Variants in SPTBN1 observed in about 807,000 individuals in gnomAD.
SPTBN1 encodes spectrin beta, non-erythrocytic 1.
SPTBN1 carries 32 observed loss-of-function variants against 266.4 expected under a neutral mutation model. The ratio of observed to expected loss-of-function variants is 0.12; its 90% confidence interval spans 0.09 to 0.16. SPTBN1 has a LOEUF of 0.16. SPTBN1 is among the 10% of genes least tolerant of loss of function. The pLI, the probability that SPTBN1 is intolerant of heterozygous loss-of-function variation, is 1.00. For synonymous variants in SPTBN1, 1,336 were observed against 1,162.2 expected, an observed-to-expected ratio of 1.15 and a Z score of -3.04; for missense variants, 2,296 against 3,067.1, an observed-to-expected ratio of 0.75 and a Z score of 5.94.
At chr2:54,557,251 G>C (rs1299550670) in intron 2 of SPTBN1, among the ~76,000 whole-genome samples, 1 of 152,150 alleles carries the variant, frequency 6.6e-6, no homozygotes, top group African/African-American at 2.4e-5. Context: ...AGGTGAACCT[G>C]GGGTGGGGGA....
Position 54,653,353 on chromosome 2 carries a change from T to A in SPTBN1, c.5578-256T>A, listed in dbSNP as rs1680428286. The A allele has an allele frequency of 2.2e-6, 1 of 463,992 alleles. No homozygotes were observed. Among genetic ancestry groups the A allele is most frequent in the Non-Finnish European group, 3.6e-6 (1 of 276,686 alleles). The allele number at this position is 463,992 out of a possible 1,614,324, so 28.7% of individuals were successfully genotyped here. A position where few individuals can be genotyped will look rare whatever the true frequency, so the allele number is the denominator to read the frequency against. ...CAGGGGACTTTCCCTGACTAAACTC[T>A]CCTGCCTGTCTTCCTGTAGCATTTC... On this transcript the variant is annotated intron_variant, in intron 26 of 35. Transcript: ENST00000356805. This position sits in a 1 kb window ranked among gnomAD's most constrained non-coding sequence, Gnocchi z 5.1.
At chr2:54,536,577 G>C (rs534712856) in intron 2 of SPTBN1, among the ~76,000 whole-genome samples, 1 of 152,294 alleles carries the variant, frequency 6.6e-6, no homozygotes, top group South Asian at 2.1e-4. Context: ...GAGGGGTCCA[G>C]GTGACAGCAG....
intron 35 of SPTBN1, 112 bp from the exon 36 acceptor site, chr2:54,668,239 G>A (rs1681504413): frequency 7.3e-6 from 7 of 963,472 alleles, no homozygotes; most frequent in Admixed American, 6.2e-5. Context: ...GTGCCCAGAA[G>A]TGACTCTGCT....
At chr2:54,535,351 AT>A (rs1188938104) in intron 2 of SPTBN1, among the ~76,000 whole-genome samples, 1 of 152,178 alleles carries the variant, frequency 6.6e-6, no homozygotes, top group East Asian at 1.9e-4. Context: ...ATTCCAGAGC[AT>A]TTTTATTACT....
rs563182093 is a variant in SPTBN1 at position 54,485,875 on chromosome 2, C to T, written c.-48+29357C>T. Among the ~76,000 whole-genome samples, 577 of 150,928 alleles carry T rather than the reference C, an allele frequency of 3.8e-3. 4 individuals are homozygous for T. Among genetic ancestry groups the T allele is most frequent in the African/African-American group, 0.013 (544 of 41,014 alleles). On this transcript the variant is annotated intron_variant, in intron 1 of 35. Transcript: ENST00000356805. The stretch of plus-strand genomic sequence containing the variant: ...CTGGGATGTGAGGAGCGCCTCTGCC[C>T]GGCCGCGACCCGTCTGGGAGGTGAG...
At chr2:54,485,641 C>T (rs1264560652) in intron 1 of SPTBN1, among the ~76,000 whole-genome samples, 4 of 152,152 alleles carry the variant, frequency 2.6e-5, no homozygotes, top group African/African-American at 9.7e-5. Context: ...AGCGTCTCTG[C>T]CTGGTCGCCC....
chr2:54,523,338 T>A (rs941195352), intron 1 of SPTBN1, among the ~76,000 whole-genome samples: 1 of 152,314 alleles, frequency 6.6e-6, no homozygotes, highest in South Asian at 2.1e-4. Flanking sequence ...GAATCCAGGA[T>A]TTTACTTCCA....
At chr2:54,584,405 A>G (rs1675146152) in intron 2 of SPTBN1, among the ~76,000 whole-genome samples, 1 of 152,270 alleles carries the variant, frequency 6.6e-6, no homozygotes, top group Non-Finnish European at 1.5e-5. Flanking sequence ...TAGAAAACAA[A>G]TATCTATAGA....
intron 1 of SPTBN1, among the ~76,000 whole-genome samples, chr2:54,478,688 TCTTA>T (rs1311206916): frequency 6.6e-6 from 1 of 152,210 alleles, no homozygotes; most frequent in Non-Finnish European, 1.5e-5. Context: ...TTGAAAGGCA[TCTTA>T]CTTCTGCTAA....
chr2:54,668,756 T>C lies in SPTBN1; in HGVS notation c.*187T>C, dbSNP rs1681554995. 8.7e-6 allele frequency: 5 copies of C among 576,640 alleles called. No homozygotes were observed. The South Asian group carries it at 1.0e-4, about 12-fold the overall frequency. The allele number at this position is 576,640 out of a possible 1,614,324, so 35.7% of individuals were successfully genotyped here. A position where few individuals can be genotyped will look rare whatever the true frequency, so the allele number is the denominator to read the frequency against. On this transcript the variant is annotated 3_prime_UTR_variant, in exon 36 of 36. Transcript: ENST00000356805. ...ACACCTAAACACTTTATCTCCAAGT[T>C]ACAAAAGTTTGAGGTGCAGAGGGAA...
At chr2:54,493,001 C>CTTTTTT (rs70944171) in intron 1 of SPTBN1, among the ~76,000 whole-genome samples, 5 of 112,900 alleles carry the variant, frequency 4.4e-5, no homozygotes, top group East Asian at 2.6e-4. Flanking sequence ...AATAACATAT[C>CTTTTTT]TTTTTTTTTT....
intron 17 of SPTBN1, among the ~76,000 whole-genome samples, chr2:54,637,385 G>A (rs916097117): frequency 6.6e-6 from 1 of 151,958 alleles, no homozygotes; most frequent in Non-Finnish European, 1.5e-5. Context: ...CTTCTCCCCC[G>A]GTGCCTAAAA....
chr2:54,476,579 T>C (rs1322740139), intron 1 of SPTBN1, among the ~76,000 whole-genome samples: 7 of 152,242 alleles, frequency 4.6e-5, no homozygotes, highest in Admixed American at 4.6e-4. Flanking sequence ...GAGAGTAACA[T>C]ACGATGTTTC....
chr2:54,554,049 C>T lies in SPTBN1; in HGVS notation c.148+27483C>T, dbSNP rs775508768. ...ACCACAGAACACTTCAAGCAGCAAG[C>T]TCTAGGTGAACTAGCAGAGCATGTG... On this transcript the variant is annotated intron_variant, in intron 2 of 35. Coordinates refer to ENST00000356805, the MANE Select transcript of SPTBN1 (RefSeq NM_003128.3). This position sits in a 1 kb window ranked among gnomAD's most constrained non-coding sequence, Gnocchi z 4.5. 3.9e-5 allele frequency among the ~76,000 whole-genome samples: 6 copies of T among 152,212 alleles called. No individual in the cohort carries two copies. Among genetic ancestry groups the T allele is most frequent in the Non-Finnish European group, 8.8e-5 (6 of 68,036 alleles).
chr2:54,657,305 A>G (rs935848931), intron 29 of SPTBN1, among the ~76,000 whole-genome samples: 1 of 152,238 alleles, frequency 6.6e-6, no homozygotes, highest in Non-Finnish European at 1.5e-5. Flanking sequence ...AGGGCGAGTT[A>G]AGAATGCCTG....
chr2:54,641,144 A>C (rs1166391765), intron 18 of SPTBN1, among the ~76,000 whole-genome samples: 1 of 152,228 alleles, frequency 6.6e-6, no homozygotes, highest in Non-Finnish European at 1.5e-5. Flanking sequence ...GCCCACAAAT[A>C]ATAACTGTAG....
At chr2:54,568,065 C>T (rs987402836) in intron 2 of SPTBN1, among the ~76,000 whole-genome samples, 2 of 152,120 alleles carry the variant, frequency 1.3e-5, no homozygotes, top group Admixed American at 1.3e-4. Flanking sequence ...TCCCCAAGTG[C>T]TTTGTATGCC....
chr2:54,552,026 A>C (rs933684681), intron 2 of SPTBN1, among the ~76,000 whole-genome samples: 3 of 152,140 alleles, frequency 2.0e-5, no homozygotes, highest in Non-Finnish European at 4.4e-5. Context: ...GGCTGAGTTA[A>C]AGAGAAGGGA....
chr2:54,636,949 T>C (rs17046063), intron 17 of SPTBN1, among the ~76,000 whole-genome samples: 5,175 of 152,314 alleles, frequency 0.034, 206 homozygotes, highest in African/African-American at 0.089. Context: ...GCATTCACGC[T>C]GCTATTTCTC....
Sources: gnomAD v4.1 joint callset for allele counts (sites outside exome capture counted in the v4.1 genomes callset) on GRCh38, gnomAD v4.1.1 for gene constraint, Gnocchi (gnomAD v3.1) non-coding constraint, MANE v1.5 for transcripts, NCBI Gene and HGNC (gene_info 2026-07-23, HGNC 2026-07-21) for gene names.